The following SAG variants were observed in gnomAD, a reference collection of about 807,000 sequenced individuals.
SAG encodes S-arrestin.
In SAG, 45 loss-of-function variants were observed where a neutral mutation model predicts 55.0. That is an observed-to-expected ratio of 0.82 (90% confidence interval 0.64 to 1.05). The LOEUF (loss-of-function observed/expected upper bound fraction) is 1.05. SAG is among the 50% of genes least tolerant of loss of function. The pLI is 0.00. For synonymous variants in SAG, 189 were observed against 197.4 expected (o/e 0.96, Z 0.36); for missense variants, 455 against 512.1 (o/e 0.89, Z 1.08).
chr2:233,341,647 T>C (rs533699108), intron 13 of SAG, among the ~76,000 whole-genome samples: 8 of 152,204 alleles, frequency 5.3e-5, no homozygotes, highest in African/African-American at 1.9e-4. Flanking sequence ...AACAGGCAAA[T>C]CTATAGAGAT....
At chr2:233,309,056 C>T (rs1221554365) in intron 1 of SAG, 106 bp from the exon 2 acceptor site, 3 of 640,066 alleles carry the variant, frequency 4.7e-6, no homozygotes, top group East Asian at 2.8e-5. Flanking sequence ...ATGGTGAGGA[C>T]GCACAGGATC....
intron 2 of SAG, among the ~76,000 whole-genome samples, chr2:233,313,458 C>T (rs1559432094): frequency 1.3e-5 from 2 of 151,904 alleles, no homozygotes; most frequent in East Asian, 1.9e-4. Flanking sequence ...AGCAGAATAG[C>T]GAGGTCATAG....
At chr2:233,338,394 G>A (rs1701003460) in intron 11 of SAG, 2 of 384,590 alleles carry the variant, frequency 5.2e-6, no homozygotes, top group Non-Finnish European at 9.5e-6. Context: ...GATGACCGGG[G>A]GATGTGCATC....
chr2:233,345,497 G>C (rs1701226011), intron 14 of SAG: 2 of 152,426 alleles, frequency 1.3e-5, no homozygotes, highest in African/African-American at 4.8e-5. Flanking sequence ...AAGGCGGGCG[G>C]AACACTTGAG....
In SAG at chr2:233,320,736, T is replaced by A; in HGVS notation, c.288T>A (p.Pro96=). 1 of 1,606,326 alleles carries A rather than the reference T, an allele frequency of 6.2e-7. No individual in the cohort carries two copies. Among genetic ancestry groups the A allele is most frequent in the Non-Finnish European group, 8.5e-7 (1 of 1,176,600 alleles). ...ACTTCTCCCGGGTCCAGGTGTATCC[T>A]CCTGTGGGGGCCGCGAGCACCCCCA... The part of the protein sequence containing the change: ...DLYFSRVQVY[P]PVGAASTPTK... The change falls in exon 5 of 16, where the codon CCT becomes CCA. Residue 96 remains proline, a synonymous_variant. Coordinates refer to ENST00000409110, the MANE Select transcript of SAG (RefSeq NM_000541.5).
intron 2 of SAG, among the ~76,000 whole-genome samples, chr2:233,314,970 C>CCTGTGTGTCCTAGACT (rs1331629563): frequency 3.9e-5 from 6 of 152,236 alleles, no homozygotes; most frequent in Non-Finnish European, 1.5e-5. Flanking sequence ...ACACTGAATC[C>CCTGTGTGTCCTAGACT]CTGTGTGTCC....
intron 5 of SAG, among the ~76,000 whole-genome samples, chr2:233,322,666 T>A (rs1255392290): frequency 6.6e-6 from 1 of 151,856 alleles, no homozygotes; most frequent in Non-Finnish European, 1.5e-5. Flanking sequence ...CTGGGCATGG[T>A]GGTGTGTGCC....
intron 10 of SAG, chr2:233,333,701 C>T (rs1000141): frequency 0.39 from 58,978 of 152,018 alleles, 13,587 homozygotes; most frequent in South Asian, 0.57. Flanking sequence ...TGCACAAACA[C>T]AAAAAGTCCA....
At chr2:233,342,243 C>T in intron 13 of SAG, 28 bp from the exon 14 acceptor site, 2 of 1,568,316 alleles carry the variant, frequency 1.3e-6, no homozygotes, top group Non-Finnish European at 1.7e-6. Flanking sequence ...TATGGGTGTT[C>T]ACACCAATCT....
At chr2:233,308,453 C>T (rs1011159333) in intron 1 of SAG, among the ~76,000 whole-genome samples, 2 of 150,894 alleles carry the variant, frequency 1.3e-5, no homozygotes, top group African/African-American at 2.4e-5. Context: ...GGCAACAGAA[C>T]GAGCTCCTAT....
Position 233,309,193 on chromosome 2 carries a change from G to C in SAG, c.4G>C (p.Ala2Pro). 6.2e-7 allele frequency: 1 copy of C among 1,613,480 alleles called. No individual in the cohort carries two copies. The highest frequency in any genetic ancestry group is 8.5e-7 in the Non-Finnish European group (1 of 1,179,570). Reference protein sequence around the residue: MAASGKTSKSEP... With the variant: MPASGKTSKSEP... Reference sequence around the variant, plus strand: ...GAAGTTGCCAGGGACAGATAACATGGCAGCCAGCGGGAAGACCAGCAAGTC... The same window carrying C: ...GAAGTTGCCAGGGACAGATAACATGCCAGCCAGCGGGAAGACCAGCAAGTC... Residue 2 changes from alanine to proline, a missense_variant, in exon 2 of 16, where the codon GCA becomes CCA. Coordinates refer to ENST00000409110, the MANE Select transcript of SAG (RefSeq NM_000541.5).
rs537211974 is a variant in SAG, at chr2:233,338,172, C to T, written c.945-504C>T. 3.3e-5 allele frequency among the ~76,000 whole-genome samples: 5 copies of T among 152,100 alleles called. No homozygotes were observed. The East Asian group carries it at 7.8e-4, about 24-fold the overall frequency. On this transcript the variant is annotated intron_variant, in intron 11 of 15. Transcript: ENST00000409110. ...GTGTTGGCAAGACTGGCGCGGGGGG[C>T]GCTGGGACACAGCTGGGGGTGAAGT... is the stretch of plus-strand genomic sequence containing the variant.
Position 233,339,808 on chromosome 2 carries a change from G to A in SAG, c.1023-647G>A, listed in dbSNP as rs1292190660. ...CTTCTGAGTAGCTGGGATTACAGGT[G>A]CCCACCACCATGCCTGGCTAATTTT... On this transcript the variant is annotated intron_variant, in intron 12 of 15. Transcript: ENST00000409110. 2.0e-5 allele frequency among the ~76,000 whole-genome samples: 3 copies of A among 151,310 alleles called. 1 individual carries two copies. The highest frequency in any genetic ancestry group is 4.2e-4 in the South Asian group (2 of 4,802).
At chr2:233,330,522 TTC>T (rs1700723180) in intron 9 of SAG, among the ~76,000 whole-genome samples, 3 of 148,948 alleles carry the variant, frequency 2.0e-5, no homozygotes, top group African/African-American at 7.4e-5. Context: ...CCTTCCTTCC[TTC>T]CTTCCTTCCT....
rs1459436518 is a variant in SAG at position 233,319,632 on chromosome 2, C to G, written c.181+837C>G. ...TGGGGCCCCAAACGGCCCCCTCTGTCCTCTCCACCTTCCTCCTGGGTGCCC... is the reference window on the plus strand; with the variant it reads ...TGGGGCCCCAAACGGCCCCCTCTGTGCTCTCCACCTTCCTCCTGGGTGCCC... On this transcript the variant is annotated intron_variant, in intron 4 of 15. Coordinates refer to ENST00000409110, the MANE Select transcript of SAG (RefSeq NM_000541.5). The surrounding 1 kb of genome is among the most constrained non-coding windows in gnomAD (Gnocchi z 4.4). The G allele has an allele frequency of 1.0e-6, 1 of 986,268 alleles. No homozygotes were observed. The highest frequency in any genetic ancestry group is 6.1e-5 in the Admixed American group (1 of 16,414). 61.1% of individuals were successfully genotyped at this position (986,268 alleles called of 1,614,324 possible). A position where few individuals can be genotyped will look rare whatever the true frequency, so the allele number is the denominator to read the frequency against.
chr2:233,309,134 C>A (rs1700009001), intron 1 of SAG, 28 bp from the exon 2 acceptor site: 16 of 1,382,174 alleles, frequency 1.2e-5, no homozygotes, highest in Non-Finnish European at 1.6e-5. Context: ...CTTTCTCCAA[C>A]CCTCTAACAC....
At chr2:233,346,660 G>A (rs1701260975) in intron 15 of SAG, 147 bp from the exon 16 acceptor site, 4 of 745,130 alleles carry the variant, frequency 5.4e-6, no homozygotes, top group South Asian at 3.1e-5. Context: ...AATTTTAAAC[G>A]AAGCCTTGAG....
chr2:233,315,907 A>T (rs769418957), intron 2 of SAG, among the ~76,000 whole-genome samples, 168 bp from the exon 3 acceptor site: 2 of 151,316 alleles, frequency 1.3e-5, no homozygotes, highest in African/African-American at 2.4e-5. Flanking sequence ...GGGTTTCACC[A>T]TATTGGCCAG....
intron 10 of SAG, chr2:233,331,944 G>GT (rs1010478561): frequency 7.3e-6 from 4 of 550,410 alleles, no homozygotes; most frequent in Non-Finnish European, 1.3e-5. Flanking sequence ...GCAAGCCAAA[G>GT]AATGACGCAG....
Sources: allele counts gnomAD v4.1 joint callset (sites outside exome capture counted in the v4.1 genomes callset), GRCh38; gene constraint gnomAD v4.1.1; non-coding constraint Gnocchi (gnomAD v3.1); transcripts MANE v1.5; gene names NCBI Gene and HGNC (gene_info 2026-07-23, HGNC 2026-07-21).